The following PCDHGA4 variants were observed in gnomAD, a reference collection of about 807,000 sequenced individuals.
The protein encoded by PCDHGA4 is protocadherin gamma subfamily A, 4.
A neutral mutation model predicts 54.6 loss-of-function variants in PCDHGA4; 38 were observed. The ratio of observed to expected loss-of-function variants is 0.70; its 90% CI spans 0.54 to 0.91. The LOEUF (loss-of-function observed/expected upper bound fraction) is 0.91, where lower values mean the gene tolerates loss of function less well. PCDHGA4 is among the 40% of genes least tolerant of loss of function. The probability of loss-of-function intolerance (pLI) is 0.00; values close to 1 mark genes in which losing one functional copy is unlikely to be tolerated. For synonymous variants in PCDHGA4, 511 were observed against 512.9 expected, an observed-to-expected ratio of 1.00 and a Z score of 0.05; for missense variants, 1,298 against 1,220.9, an observed-to-expected ratio of 1.06 and a Z score of -0.94.
chr5:141,372,294 G>A (rs536487253), intron 1 of PCDHGA4: 2 of 1,613,280 alleles, frequency 1.2e-6, no homozygotes, highest in Non-Finnish European at 1.7e-6. Flanking sequence ...TACCTTGGGC[G>A]ACAGGGAGGC....
intron 1 of PCDHGA4, chr5:141,403,705 C>T: frequency 6.2e-7 from 1 of 1,613,894 alleles, no homozygotes; most frequent in Non-Finnish European, 8.5e-7. Context: ...GAGTTAAAGT[C>T]CTTGAGAACG....
chr5:141,382,869 T>C (rs887588063), intron 1 of PCDHGA4: 1 of 1,519,592 alleles, frequency 6.6e-7, no homozygotes, highest in Non-Finnish European at 8.8e-7. Flanking sequence ...CTTCCCGAGA[T>C]CGGCGCCTAA....
At chr5:141,439,547 T>C (rs2098120171) in intron 1 of PCDHGA4, among the ~76,000 whole-genome samples, 2 of 152,180 alleles carry the variant, frequency 1.3e-5, no homozygotes, top group Non-Finnish European at 2.9e-5. Context: ...CTCTCATTTC[T>C]TCAGGCTGCA....
intron 1 of PCDHGA4, chr5:141,430,604 A>C (rs1288378907): frequency 7.8e-6 from 5 of 641,158 alleles, no homozygotes; most frequent in Non-Finnish European, 1.2e-5. Context: ...CGCCTGAAGC[A>C]CAAAGCAGAT....
At chr5:141,391,452 C>T (rs1004301347) in intron 1 of PCDHGA4, 13 of 152,114 alleles carry the variant, frequency 8.5e-5, no homozygotes, top group African/African-American at 3.1e-4. Context: ...AGCTGGAACT[C>T]AGGCTCATGC....
chr5:141,428,131 G>T, intron 1 of PCDHGA4: 1 of 1,602,720 alleles, frequency 6.2e-7, no homozygotes, highest in Non-Finnish European at 8.5e-7. Flanking sequence ...GGGCTTTTCA[G>T]CCTGGGGCTG....
intron 1 of PCDHGA4, chr5:141,422,581 G>A (rs1223117895): frequency 3.7e-6 from 6 of 1,613,984 alleles, no homozygotes; most frequent in Non-Finnish European, 4.2e-6. Flanking sequence ...TAACCCTCCC[G>A]TTTTTCCTCA....
At position 141,512,350 on chromosome 5, in the gene PCDHGA4, G is replaced by C. The variant is rs1406428686; in HGVS notation, c.*1177G>C. ...CCATTCTTAGTCCCTGGGTTGGGGA[G>C]GCAGGGAGCTAGGGCAGGGACCAAA... is the stretch of plus-strand genomic sequence containing the variant. On this transcript the variant is annotated 3_prime_UTR_variant, in exon 4 of 4. Transcript: ENST00000571252. The C allele has an allele frequency of 6.5e-6, 1 of 152,906 alleles. No homozygotes were observed. The highest frequency in any genetic ancestry group is 1.9e-4 in the East Asian group (1 of 5,208). 9.5% of individuals were successfully genotyped at this position (152,906 alleles called of 1,614,324 possible).
Position 141,415,396 on chromosome 5 carries a change from G to A in PCDHGA4, c.2514+57775G>A, listed in dbSNP as rs11575962. 4,865 of 1,614,204 alleles carry A rather than the reference G, an allele frequency of 3.0e-3. 27 individuals are homozygous for A. The highest frequency in any genetic ancestry group is 0.011 in the Admixed American group (656 of 60,024). ...AGGAGGCGGCTTGACAGGTGTGTCC[G>A]GCTCGCACTTTGTGGGCGTGGACGG... On this transcript the variant is annotated intron_variant, in intron 1 of 3. Coordinates refer to ENST00000571252, the MANE Select transcript of PCDHGA4 (RefSeq NM_018917.4).
chr5:141,422,691 C>A, intron 1 of PCDHGA4: 1 of 1,603,878 alleles, frequency 6.2e-7, no homozygotes, highest in Non-Finnish European at 8.5e-7. Flanking sequence ...ATGCCCTGGT[C>A]ACTTACTCTC....
chr5:141,469,213 G>C (rs866405809), intron 1 of PCDHGA4, among the ~76,000 whole-genome samples: 4 of 150,912 alleles, frequency 2.7e-5, no homozygotes, highest in African/African-American at 9.7e-5. Flanking sequence ...TGAAGTTGAG[G>C]CTTCAGTGAG....
In PCDHGA4 at chr5:141,401,291, G is replaced by A. The variant is rs565015907; in HGVS notation, c.2514+43670G>A. On this transcript the variant is annotated intron_variant, in intron 1 of 3. Transcript: ENST00000571252. ...TGGCAGGTGGAGGTTGCGGTGAGCC[G>A]AGATCACTCCATTGCATTCCAGCCT... is the stretch of plus-strand genomic sequence containing the variant. Among the ~76,000 whole-genome samples the A allele has an allele frequency of 8.5e-5, 13 of 152,194 alleles. No individual in the cohort carries two copies. The South Asian group carries it at 2.5e-3, about 29-fold the overall frequency.
chr5:141,390,231 T>C, intron 1 of PCDHGA4: 1 of 1,614,086 alleles, frequency 6.2e-7, no homozygotes, highest in South Asian at 1.1e-5. Flanking sequence ...CGGTGATTCA[T>C]CTGGGGCCTT....
At position 141,432,298 on chromosome 5, in the gene PCDHGA4, A is replaced by G; in HGVS notation, c.2515-62509A>G. 6.2e-7 allele frequency: 1 copy of G among 1,614,236 alleles called. No homozygotes were observed. The highest frequency in any genetic ancestry group is 8.5e-7 in the Non-Finnish European group (1 of 1,180,036). The stretch of plus-strand genomic sequence containing the variant: ...TGTCCATCAACTCCGACACTGGGGT[A>G]CTGTATGCGCTGAGCTCCTTCGACT... On this transcript the variant is annotated intron_variant, in intron 1 of 3. Transcript: ENST00000571252. This position sits in a 1 kb window ranked among gnomAD's most constrained non-coding sequence, Gnocchi z 6.0.
At chr5:141,499,606 C>T (rs2099792968) in intron 2 of PCDHGA4, among the ~76,000 whole-genome samples, 1 of 152,028 alleles carries the variant, frequency 6.6e-6, no homozygotes, top group African/African-American at 2.4e-5. Context: ...TATCCCTACC[C>T]TTATCCTGTC....
chr5:141,442,702 T>G (rs1301940560), intron 1 of PCDHGA4, among the ~76,000 whole-genome samples: 6 of 152,224 alleles, frequency 3.9e-5, no homozygotes, highest in Non-Finnish European at 8.8e-5. Context: ...GACAAGAGTA[T>G]CAGACATGCC....
intron 1 of PCDHGA4, among the ~76,000 whole-genome samples, chr5:141,450,467 T>C (rs997813636): frequency 9.2e-5 from 14 of 151,944 alleles, no homozygotes; most frequent in African/African-American, 3.2e-4. Flanking sequence ...ATTTTATATA[T>C]AGAGTTTGTT....
intron 1 of PCDHGA4, chr5:141,383,497 C>A: frequency 6.2e-7 from 1 of 1,612,952 alleles, no homozygotes; most frequent in East Asian, 2.2e-5. Flanking sequence ...GGAGCGGGTG[C>A]TGGACCGGGA....
chr5:141,409,862 G>A (rs1359567076), intron 1 of PCDHGA4: 19 of 1,612,352 alleles, frequency 1.2e-5, no homozygotes, highest in Non-Finnish European at 1.5e-5. Flanking sequence ...GTTGGTGGGA[G>A]ACCGCAATGA....
Sources: gnomAD v4.1 joint callset for allele counts (sites outside exome capture counted in the v4.1 genomes callset) on GRCh38, gnomAD v4.1.1 for gene constraint, Gnocchi (gnomAD v3.1) non-coding constraint, MANE v1.5 for transcripts, NCBI Gene and HGNC (gene_info 2026-07-23, HGNC 2026-07-21) for gene names.